ASAP1: variants seen among roughly 807,000 people sequenced by gnomAD.
The protein encoded by ASAP1 is arf-GAP with SH3 domain, ANK repeat and PH domain-containing protein 1.
Under a neutral mutation model 145.2 loss-of-function variants are expected in ASAP1, and 43 were observed. The observed-to-expected ratio is 0.30, with a 90% CI of 0.23 to 0.38. ASAP1 has a LOEUF of 0.38. ASAP1 is among the 10% of genes least tolerant of loss of function. ASAP1 has a pLI of 1.00. For synonymous variants in ASAP1, 546 were observed against 515.5 expected, an observed-to-expected ratio of 1.06 and a Z score of -0.80; for missense variants, 1,018 against 1,355.3, an observed-to-expected ratio of 0.75 and a Z score of 3.91.
chr8:130,181,905 T>C (rs1814382681), intron 7 of ASAP1, among the ~76,000 whole-genome samples: 1 of 152,222 alleles, frequency 6.6e-6, no homozygotes, highest in Non-Finnish European at 1.5e-5. Context: ...CTTTAAGTTA[T>C]GGTGGTGGTA....
chr8:130,118,499 T>C lies in ASAP1; in HGVS notation c.1784A>G (p.Glu595Gly). ...EGVELMEPLLEPGQELGETAL... is the reference protein window; with the variant it reads ...EGVELMEPLLGPGQELGETAL... ...TTAGTGAGGCCTTACCTGCCCAGGT[T>C]CCAGCAGTGGTTCCATTAGCTCTAC... The change falls in exon 19 of 30, where the codon GAA becomes GGA. Residue 595 changes from glutamate to glycine, a missense_variant. Coordinates refer to ENST00000518721, the MANE Select transcript of ASAP1 (RefSeq NM_018482.4). 2 of 1,608,888 alleles carry C rather than the reference T, an allele frequency of 1.2e-6. No individual in the cohort carries two copies. Among genetic ancestry groups the C allele is most frequent in the Non-Finnish European group, 1.7e-6 (2 of 1,177,046 alleles).
intron 25 of ASAP1, among the ~76,000 whole-genome samples, chr8:130,081,267 C>T (rs2097479798): frequency 1.3e-5 from 2 of 152,138 alleles, no homozygotes; most frequent in South Asian, 4.1e-4. Flanking sequence ...TGTGCTATGT[C>T]CAGGAGAGGG....
At chr8:130,347,467 A>C (rs1825764086) in intron 3 of ASAP1, among the ~76,000 whole-genome samples, 1 of 152,238 alleles carries the variant, frequency 6.6e-6, no homozygotes, top group Admixed American at 6.5e-5. Flanking sequence ...GTGAAGTACC[A>C]TCATTTACAT....
intron 4 of ASAP1, among the ~76,000 whole-genome samples, chr8:130,217,849 C>G (rs965925944): frequency 2.6e-5 from 4 of 152,114 alleles, no homozygotes; most frequent in African/African-American, 9.7e-5. Context: ...TGAAACAGAA[C>G]ATGAGTCTGG....
intron 3 of ASAP1, among the ~76,000 whole-genome samples, chr8:130,237,670 A>G (rs958313032): frequency 6.6e-6 from 1 of 152,020 alleles, no homozygotes; most frequent in Non-Finnish European, 1.5e-5. Context: ...GGCTTCTAGG[A>G]GTCTATTGTT....
At chr8:130,276,793 A>C (rs1424693868) in intron 3 of ASAP1, among the ~76,000 whole-genome samples, 2 of 150,968 alleles carry the variant, frequency 1.3e-5, no homozygotes, top group African/African-American at 4.9e-5. Flanking sequence ...GCAGCATGAG[A>C]GACCCTAAAC....
chr8:130,410,443 G>A (rs1393094909), intron 1 of ASAP1, among the ~76,000 whole-genome samples: 1 of 151,850 alleles, frequency 6.6e-6, no homozygotes, highest in East Asian at 1.9e-4. Flanking sequence ...TTCTATACTC[G>A]GAGGGAGGCT....
intron 13 of ASAP1, among the ~76,000 whole-genome samples, chr8:130,142,512 A>C (rs1349141537): frequency 6.6e-6 from 1 of 152,232 alleles, no homozygotes; most frequent in African/African-American, 2.4e-5. Flanking sequence ...TTCCAAGCAC[A>C]TCTGAGAAAC....
intron 4 of ASAP1, among the ~76,000 whole-genome samples, chr8:130,227,194 TA>T (rs1817632562): frequency 6.6e-6 from 1 of 152,216 alleles, no homozygotes; most frequent in African/African-American, 2.4e-5. Context: ...CTTGTTCTGC[TA>T]ATGAGGTGGT....
intron 24 of ASAP1, among the ~76,000 whole-genome samples, chr8:130,107,790 C>A (rs2097540038): frequency 2.6e-5 from 4 of 152,164 alleles, no homozygotes; most frequent in Admixed American, 2.6e-4. Flanking sequence ...CTCAGGTGAT[C>A]TGCCTGCCTT....
intron 3 of ASAP1, among the ~76,000 whole-genome samples, chr8:130,301,078 A>C (rs923287163): frequency 4.6e-5 from 7 of 152,294 alleles, no homozygotes; most frequent in Admixed American, 2.6e-4. Flanking sequence ...TGATGCCAAA[A>C]AGTCCATTAG....
chr8:130,145,843 C>CT (rs34484540), intron 13 of ASAP1, among the ~76,000 whole-genome samples: 8,583 of 139,120 alleles, frequency 0.062, 304 homozygotes, highest in Middle Eastern at 0.09. Flanking sequence ...CAAAGTAAAA[C>CT]TTTTTTTTTT....
chr8:130,180,049 G>T, intron 8 of ASAP1, among the ~76,000 whole-genome samples: 1 of 147,752 alleles, frequency 6.8e-6, no homozygotes. Flanking sequence ...AGGAAGGAAG[G>T]GAGGGAGGGA....
At chr8:130,123,690 G>A (rs1229901957) in intron 18 of ASAP1, among the ~76,000 whole-genome samples, 5 of 152,184 alleles carry the variant, frequency 3.3e-5, no homozygotes, top group South Asian at 4.2e-4. Context: ...GCAGGGGTGC[G>A]ATCTCGGCTC....
intron 3 of ASAP1, among the ~76,000 whole-genome samples, chr8:130,292,398 T>A (rs974104002): frequency 1.3e-5 from 2 of 152,154 alleles, no homozygotes; most frequent in African/African-American, 4.8e-5. Context: ...GAACCAATTA[T>A]CTGCCTGCCC....
chr8:130,312,114 A>G (rs959420022), intron 3 of ASAP1, among the ~76,000 whole-genome samples: 3 of 151,730 alleles, frequency 2.0e-5, no homozygotes, highest in Admixed American at 6.6e-5. Flanking sequence ...AGTCTCTCCA[A>G]AAAAAATACA....
chr8:130,118,976 A>T (rs1408362322), intron 18 of ASAP1, among the ~76,000 whole-genome samples: 1 of 152,190 alleles, frequency 6.6e-6, no homozygotes, highest in Non-Finnish European at 1.5e-5. Flanking sequence ...AATACTTCAA[A>T]CTCTGATATA....
Position 130,081,739 on chromosome 8 carries a change from C to T in ASAP1, c.2573-1768G>A, listed in dbSNP as rs1438257073. ...GAAATGAGACTAAATGAATAAATGG[C>T]TGCAGGTCCCGTGGGGAAATGGTGT... On this transcript the variant is annotated intron_variant, in intron 25 of 29. Transcript: ENST00000518721. Among the ~76,000 whole-genome samples, 5 of 152,286 alleles carry T rather than the reference C, an allele frequency of 3.3e-5. No homozygotes were observed. In the East Asian group the frequency reaches 7.7e-4, roughly 24 times the overall value.
At chr8:130,258,434 C>CT (rs1370483855) in intron 3 of ASAP1, among the ~76,000 whole-genome samples, 1 of 152,248 alleles carries the variant, frequency 6.6e-6, no homozygotes, top group African/African-American at 2.4e-5. Flanking sequence ...TGATAATTCA[C>CT]TAAACTTCCT....
Sources: gnomAD v4.1 joint callset for allele counts (sites outside exome capture counted in the v4.1 genomes callset) on GRCh38, gnomAD v4.1.1 for gene constraint, MANE v1.5 for transcripts, NCBI Gene and HGNC (gene_info 2026-07-23, HGNC 2026-07-21) for gene names.